Variants in EVL observed in about 807,000 individuals in gnomAD.
The protein encoded by EVL is Enah/Vasp-like, also known as ena/VASP-like protein.
In EVL, 21 loss-of-function variants were observed where a neutral mutation model predicts 59.6. The observed-to-expected ratio is 0.35, with a 90% CI of 0.25 to 0.51. The LOEUF (loss-of-function observed/expected upper bound fraction) is 0.51, where lower values mean the gene tolerates loss of function less well. Among genes scored for constraint, EVL ranks in the 20% least tolerant of loss-of-function variants. EVL has a pLI of 0.97. For synonymous variants in EVL, 198 were observed against 203.5 expected (o/e 0.97, Z 0.23); for missense variants, 462 against 546.6 (o/e 0.85, Z 1.54).
At chr14:100,121,334 G>A (rs761190748) in intron 3 of EVL, among the ~76,000 whole-genome samples, 36 of 152,158 alleles carry the variant, frequency 2.4e-4, no homozygotes, top group Non-Finnish European at 4.6e-4. Context: ...AGGAGGCCAG[G>A]AGTAAGGGGG....
At chr14:100,016,743 T>C (rs1399616553) in intron 1 of EVL, among the ~76,000 whole-genome samples, 2 of 152,190 alleles carry the variant, frequency 1.3e-5, no homozygotes, top group Admixed American at 1.3e-4. Flanking sequence ...AATCAAGTGG[T>C]CGAGGATTTC....
In EVL at chr14:100,144,044, C is replaced by A. The variant is rs894518493; in HGVS notation, c.*306C>A. On this transcript the variant is annotated 3_prime_UTR_variant, in exon 14 of 14. Coordinates refer to ENST00000392920, the MANE Select transcript of EVL (RefSeq NM_016337.3). The stretch of plus-strand genomic sequence containing the variant: ...CCCCTAAGTCACCTGCTTCATTAGA[C>A]GGTTTCCAGGTTTTCTCCCAGGTGA... 2.6e-5 allele frequency: 11 copies of A among 424,370 alleles called. No homozygotes were observed. The highest frequency in any genetic ancestry group is 4.7e-5 in the Non-Finnish European group (11 of 236,430). The allele number at this position is 424,370 out of a possible 1,614,324, so 26.3% of individuals were successfully genotyped here.
intron 1 of EVL, among the ~76,000 whole-genome samples, chr14:100,020,746 G>A (rs2061109164): frequency 6.6e-6 from 1 of 152,186 alleles, no homozygotes; most frequent in African/African-American, 2.4e-5. Flanking sequence ...AGGATCATTA[G>A]ATCTCCACAA....
chr14:100,010,636 A>G (rs1440258059), intron 1 of EVL, among the ~76,000 whole-genome samples: 3 of 152,206 alleles, frequency 2.0e-5, no homozygotes, highest in Non-Finnish European at 4.4e-5. Context: ...ACCTCAGGTG[A>G]TCCACCCGCC....
intron 1 of EVL, among the ~76,000 whole-genome samples, chr14:99,976,180 T>TTTTATTTATTTATTTA (rs141612796): frequency 2.1e-5 from 3 of 145,744 alleles, no homozygotes; most frequent in Non-Finnish European, 4.5e-5. Context: ...CATGGCCAGC[T>TTTTATTTATTTATTTA]TTTATTTATT....
intron 2 of EVL, among the ~76,000 whole-genome samples, chr14:100,088,691 A>T (rs2062500134): frequency 6.6e-6 from 1 of 152,226 alleles, no homozygotes; most frequent in African/African-American, 2.4e-5. Flanking sequence ...AAACATCATT[A>T]TGTGGTCCAT....
chr14:100,036,566 T>G (rs1369095976), intron 1 of EVL, among the ~76,000 whole-genome samples: 2 of 152,182 alleles, frequency 1.3e-5, no homozygotes, highest in Non-Finnish European at 2.9e-5. Context: ...TTTTTTGTTT[T>G]GCAGTATATA....
intron 1 of EVL, among the ~76,000 whole-genome samples, chr14:100,011,903 T>G (rs1477396349): frequency 6.6e-6 from 1 of 152,212 alleles, no homozygotes; most frequent in Non-Finnish European, 1.5e-5. Flanking sequence ...TTACGAAAGA[T>G]TGGCACACCT....
intron 3 of EVL, among the ~76,000 whole-genome samples, chr14:100,122,257 ATTGAGT>A (rs1299592167): frequency 2.6e-5 from 4 of 152,090 alleles, no homozygotes; most frequent in African/African-American, 9.7e-5. Context: ...CCACTGTCTG[ATTGAGT>A]TTAAGAAAGA....
intron 1 of EVL, among the ~76,000 whole-genome samples, chr14:100,048,193 A>G (rs1437683448): frequency 1.3e-5 from 2 of 152,242 alleles, no homozygotes; most frequent in African/African-American, 4.8e-5. Flanking sequence ...TTATTCTGTG[A>G]AGGATACTTT....
At chr14:100,097,438 A>C in intron 2 of EVL, 43 bp from the exon 3 acceptor site, 1 of 1,559,868 alleles carries the variant, frequency 6.4e-7, no homozygotes, top group African/African-American at 1.4e-5. Flanking sequence ...GCTCACTTAC[A>C]TTTTATTTAT....
rs1045232802 is a variant in EVL at position 100,141,349 on chromosome 14, T to C, written c.1161+103T>C. ...CAGGCAGGCCCTGGGGGCCCACATG[T>C]AGCTGCCAAAAGGCCAGTCAGGGAG... On this transcript the variant is annotated intron_variant, in intron 12 of 13. Coordinates refer to ENST00000392920, the MANE Select transcript of EVL (RefSeq NM_016337.3). 2.3e-6 allele frequency: 3 copies of C among 1,317,030 alleles called. No individual in the cohort carries two copies. In the African/African-American group the frequency reaches 4.4e-5, roughly 19 times the overall value. 81.6% of individuals were successfully genotyped at this position (1,317,030 alleles called of 1,614,324 possible). A position where few individuals can be genotyped will look rare whatever the true frequency, so the allele number is the denominator to read the frequency against.
At chr14:100,141,005 G>T (rs142682274) in intron 11 of EVL, 175 bp from the exon 12 acceptor site, 12 of 570,514 alleles carry the variant, frequency 2.1e-5, no homozygotes, top group African/African-American at 1.7e-4. Flanking sequence ...ACCTCTTGAG[G>T]TGGAGACGGG....
chr14:100,123,856 C>T (rs1238928471), intron 4 of EVL, among the ~76,000 whole-genome samples: 1 of 152,198 alleles, frequency 6.6e-6, no homozygotes, highest in African/African-American at 2.4e-5. Flanking sequence ...TGACCTCCAG[C>T]GGGACGGCTC....
intron 1 of EVL, among the ~76,000 whole-genome samples, chr14:100,028,173 GGA>G: frequency 8.6e-6 from 1 of 116,014 alleles, no homozygotes; most frequent in African/African-American, 3.2e-5. Context: ...AAACTGTTTT[GGA>G]GTGTCCACAG....
intron 1 of EVL, 78 bp from the exon 2 acceptor site, chr14:100,084,609 C>T: frequency 1.3e-6 from 2 of 1,482,264 alleles, no homozygotes; most frequent in Non-Finnish European, 1.8e-6. Flanking sequence ...TAGCAATTGG[C>T]CTCTATTTCA....
chr14:100,138,076 A>C (rs572250891), intron 11 of EVL: 1 of 564,162 alleles, frequency 1.8e-6, no homozygotes, highest in East Asian at 3.0e-5. Flanking sequence ...CCAGCTCTGG[A>C]CTCACTACGT....
At chr14:100,053,877 T>TG (rs1258401909) in intron 1 of EVL, among the ~76,000 whole-genome samples, 2 of 152,036 alleles carry the variant, frequency 1.3e-5, no homozygotes, top group African/African-American at 4.8e-5. Flanking sequence ...CTCAAACTCC[T>TG]GGGCTCAAGC....
chr14:100,138,258 A>G, intron 11 of EVL: 1 of 189,722 alleles, frequency 5.3e-6, no homozygotes, highest in Non-Finnish European at 1.1e-5. Flanking sequence ...CAGTCCTAGC[A>G]CTGGCGCTGA....
Sources: gnomAD v4.1 joint callset for allele counts (sites outside exome capture counted in the v4.1 genomes callset) on GRCh38, gnomAD v4.1.1 for gene constraint, MANE v1.5 for transcripts, NCBI Gene and HGNC (gene_info 2026-07-23, HGNC 2026-07-21) for gene names.